The following ALK variants were observed in gnomAD, a reference collection of about 807,000 sequenced individuals.
ALK encodes the protein ALK receptor tyrosine kinase, also known as ALK tyrosine kinase receptor.
A neutral mutation model predicts 163.1 loss-of-function variants in ALK; 74 were observed. The observed-to-expected ratio is 0.45, with a 90% CI of 0.38 to 0.55. The LOEUF is 0.55. Ranked by LOEUF, ALK falls within the 20% of genes least tolerant of loss-of-function variation. ALK has a pLI of 0.00. For synonymous variants in ALK, 960 were observed against 843.2 expected (o/e 1.14, Z -2.40); for missense variants, 2,063 against 2,105.3 (o/e 0.98, Z 0.39).
At chr2:29,867,420 G>T (rs1666462997) in intron 1 of ALK, among the ~76,000 whole-genome samples, 1 of 152,116 alleles carries the variant, frequency 6.6e-6, no homozygotes, top group Admixed American at 6.5e-5. Context: ...GGTATTTCTG[G>T]GAGGCAATTT....
intron 9 of ALK, among the ~76,000 whole-genome samples, chr2:29,289,793 C>T (rs1665971107): frequency 6.6e-6 from 1 of 152,174 alleles, no homozygotes; most frequent in Non-Finnish European, 1.5e-5. Flanking sequence ...GTAGTCATTG[C>T]TCTCTGCTTC....
At chr2:29,720,612 A>C (rs1437152852) in intron 1 of ALK, among the ~76,000 whole-genome samples, 2 of 152,220 alleles carry the variant, frequency 1.3e-5, no homozygotes, top group Non-Finnish European at 2.9e-5. Flanking sequence ...TGTTTTCCAA[A>C]ATCGGAAGCA....
At chr2:29,644,550 TATC>T (rs1417934661) in intron 3 of ALK, among the ~76,000 whole-genome samples, 1 of 139,942 alleles carries the variant, frequency 7.1e-6, no homozygotes, top group African/African-American at 2.7e-5. Flanking sequence ...AAAGCCTATA[TATC>T]TTTTCAAATT....
rs117758507 is a variant in ALK, at chr2:29,698,800, G to A, written c.788-3786C>T. ...GCGTTCCTTCTGTAATTCTTAGTCC[G>A]CAGCAACCTCCTTTTAGCTGTTAAA... is the stretch of plus-strand genomic sequence containing the variant. On this transcript the variant is annotated intron_variant, in intron 2 of 28. Transcript: ENST00000389048. 9.4e-4 allele frequency among the ~76,000 whole-genome samples: 143 copies of A among 152,260 alleles called. 3 individuals carry two copies. In the East Asian group the frequency reaches 0.024, roughly 26 times the overall value.
At chr2:29,693,737 C>T (rs1222106441) in intron 3 of ALK, among the ~76,000 whole-genome samples, 1 of 152,108 alleles carries the variant, frequency 6.6e-6, no homozygotes, top group Non-Finnish European at 1.5e-5. Flanking sequence ...AGAATCTGGC[C>T]ACAGAGCAGG....
Position 29,246,672 on chromosome 2 carries a change from C to G in ALK, c.2204+4433G>C, listed in dbSNP as rs929715975. Among the ~76,000 whole-genome samples, 1 of 152,208 alleles carries G rather than the reference C, an allele frequency of 6.6e-6. No homozygotes were observed. Among genetic ancestry groups the G allele is most frequent in the African/African-American group, 2.4e-5 (1 of 41,444 alleles). ...AGTCCCAGCGTTGCACCCGACCCCA[C>G]ATTCACTCAGTCCTCAACTTACGCT... On this transcript the variant is annotated intron_variant, in intron 12 of 28. Transcript: ENST00000389048. This position sits in a 1 kb window ranked among gnomAD's most constrained non-coding sequence, Gnocchi z 4.3.
intron 9 of ALK, among the ~76,000 whole-genome samples, chr2:29,294,657 A>G (rs183585547): frequency 6.6e-6 from 1 of 152,278 alleles, no homozygotes. Flanking sequence ...ATCTATTAAT[A>G]CTCTGTGTAG....
In ALK at chr2:29,920,182, C is replaced by T. The variant is rs1667952034; in HGVS notation, c.478G>A (p.Glu160Lys). The T allele has an allele frequency of 1.9e-6, 3 of 1,613,308 alleles. No individual in the cohort carries two copies. The highest frequency in any genetic ancestry group is 1.7e-5 in the Admixed American group (1 of 60,006). ...AACTGGAGCAGCCCCACAGCCGCCTCCCCGGGGGGCCCGACGCAACCCTCC... is the reference window on the plus strand; with the variant it reads ...AACTGGAGCAGCCCCACAGCCGCCTTCCCGGGGGGCCCGACGCAACCCTCC... ...ILEGCVGPPG[E>K]AAVGLLQFNL... is the part of the protein sequence containing the mutation. Residue 160 changes from glutamate (E) to lysine (K), a missense_variant, in exon 1 of 29, where the codon GAG becomes AAG. Glu to Lys is a moderately conservative substitution (Grantham distance 56). This residue lies in a region of ALK where 987 missense variants were observed against 939.5 expected (regional missense o/e 1.05). Coordinates refer to ENST00000389048, the MANE Select transcript of ALK (RefSeq NM_004304.5).
chr2:29,388,941 A>C (rs974197599), intron 4 of ALK, among the ~76,000 whole-genome samples: 1 of 152,258 alleles, frequency 6.6e-6, no homozygotes, highest in Non-Finnish European at 1.5e-5. Flanking sequence ...CTATGATAGC[A>C]GATCACCACT....
intron 1 of ALK, among the ~76,000 whole-genome samples, chr2:29,882,088 G>T (rs1041338136): frequency 5.3e-5 from 8 of 152,138 alleles, no homozygotes; most frequent in Non-Finnish European, 8.8e-5. Flanking sequence ...TCCGTCTGAG[G>T]TTGCCTCAAT....
At chr2:29,842,531 A>T (rs2148395490) in intron 1 of ALK, among the ~76,000 whole-genome samples, 1 of 152,138 alleles carries the variant, frequency 6.6e-6, no homozygotes, top group African/African-American at 2.4e-5. Flanking sequence ...TTACCACTTC[A>T]CTCTCCAAGG....
chr2:29,277,294 C>A (rs1665573144), intron 9 of ALK, among the ~76,000 whole-genome samples: 1 of 152,240 alleles, frequency 6.6e-6, no homozygotes, highest in African/African-American at 2.4e-5. Context: ...CCCGTTGCGC[C>A]TGTGTGCAGA....
At chr2:29,211,133 T>C (rs2148156654) in intron 24 of ALK, among the ~76,000 whole-genome samples, 1 of 152,294 alleles carries the variant, frequency 6.6e-6, no homozygotes, top group East Asian at 1.9e-4. Flanking sequence ...AAAAAGGATC[T>C]TGATTGGGGA....
Position 29,454,968 on chromosome 2 carries a change from A to G in ALK, c.1155-71109T>C, listed in dbSNP as rs144460871. 1.2e-3 allele frequency among the ~76,000 whole-genome samples: 180 copies of G among 152,280 alleles called. 1 individual carries two copies. The highest frequency in any genetic ancestry group is 3.8e-3 in the African/African-American group (159 of 41,556). On this transcript the variant is annotated intron_variant, in intron 4 of 28. Transcript: ENST00000389048. Reference sequence around the variant, plus strand: ...CACAGATGAGGAAGCGGGCTCAGAGAAGAAAATCACTGGCCCTAATTTACA... The same window carrying G: ...CACAGATGAGGAAGCGGGCTCAGAGGAGAAAATCACTGGCCCTAATTTACA...
chr2:29,286,120 G>A (rs530103836), intron 9 of ALK, among the ~76,000 whole-genome samples: 12 of 152,184 alleles, frequency 7.9e-5, no homozygotes, highest in East Asian at 3.9e-4. Context: ...CATTTTCTCC[G>A]TGATGGTTCA....
chr2:29,786,508 A>T (rs1664029078), intron 1 of ALK, among the ~76,000 whole-genome samples: 1 of 152,192 alleles, frequency 6.6e-6, no homozygotes, highest in South Asian at 2.1e-4. Flanking sequence ...GTTAAGAGCG[A>T]CGGTGCTGGA....
intron 3 of ALK, among the ~76,000 whole-genome samples, chr2:29,591,451 T>C (rs564704489): frequency 1.1e-3 from 171 of 152,242 alleles, no homozygotes; most frequent in Non-Finnish European, 2.2e-3. Flanking sequence ...GGGCTGGACG[T>C]AGGCAAGTGG....
chr2:29,881,847 T>C (rs1418105151), intron 1 of ALK, among the ~76,000 whole-genome samples: 2 of 152,102 alleles, frequency 1.3e-5, no homozygotes, highest in East Asian at 3.9e-4. Context: ...ACTCCCCCAT[T>C]TTCCCTCATT....
At chr2:29,410,936 T>C (rs1457251190) in intron 4 of ALK, among the ~76,000 whole-genome samples, 1 of 152,234 alleles carries the variant, frequency 6.6e-6, no homozygotes, top group Non-Finnish European at 1.5e-5. Flanking sequence ...TACTGTAACT[T>C]TGTTACTTTA....
Sources: allele counts gnomAD v4.1 joint callset (sites outside exome capture counted in the v4.1 genomes callset), GRCh38; gene constraint gnomAD v4.1.1; regional missense constraint gnomAD v4.1.1; non-coding constraint Gnocchi (gnomAD v3.1); transcripts MANE v1.5; gene names NCBI Gene and HGNC (gene_info 2026-07-23, HGNC 2026-07-21).